STAG1: variants seen among roughly 807,000 people sequenced by gnomAD.
STAG1 encodes the protein cohesin subunit SA-1.
STAG1 carries 26 observed loss-of-function variants against 170.9 expected under a neutral mutation model. The ratio of observed to expected loss-of-function variants is 0.15; its 90% CI spans 0.11 to 0.21. The LOEUF is 0.21. Among genes scored for constraint, STAG1 ranks in the 10% least tolerant of loss-of-function variants. The pLI is 1.00. For missense variants in STAG1, 964 were observed against 1,509.5 expected, an observed-to-expected ratio of 0.64 and a Z score of 5.99; for synonymous variants, 514 against 497.7, an observed-to-expected ratio of 1.03 and a Z score of -0.44.
chr3:136,553,233 T>TG (rs1176166778), intron 5 of STAG1, among the ~76,000 whole-genome samples: 5 of 152,078 alleles, frequency 3.3e-5, no homozygotes, highest in South Asian at 2.1e-4. Context: ...AACTCGAATT[T>TG]GGGGGGGATA....
At chr3:136,532,693 A>G (rs1455542020) in intron 6 of STAG1, among the ~76,000 whole-genome samples, 1 of 152,222 alleles carries the variant, frequency 6.6e-6, no homozygotes, top group Non-Finnish European at 1.5e-5. Context: ...TAGATGCAGA[A>G]AAAGCATTTG....
At chr3:136,372,939 G>T (rs936228744) in intron 23 of STAG1, among the ~76,000 whole-genome samples, 7 of 152,160 alleles carry the variant, frequency 4.6e-5, no homozygotes, top group African/African-American at 7.2e-5. Context: ...GCTCCTCCTT[G>T]TACCTCTGGT....
At chr3:136,653,257 A>G (rs940320304) in intron 1 of STAG1, among the ~76,000 whole-genome samples, 1 of 151,786 alleles carries the variant, frequency 6.6e-6, no homozygotes, top group Non-Finnish European at 1.5e-5. Flanking sequence ...GGGCAACAAG[A>G]GCAAAACTCC....
rs546166099 is a variant in STAG1 at position 136,524,076 on chromosome 3, G to A, written c.472-2659C>T. Among the ~76,000 whole-genome samples the A allele has an allele frequency of 7.2e-5, 11 of 152,184 alleles. No homozygotes were observed. The East Asian group carries it at 7.7e-4, about 11-fold the overall frequency. On this transcript the variant is annotated intron_variant, in intron 6 of 33. Transcript: ENST00000383202. ...TGGCTTAGGATTGTCTTGGCAATGC[G>A]GGCTCTTTTTTGGTCCCATATGAAC...
At chr3:136,498,763 C>T (rs536292010) in intron 9 of STAG1, among the ~76,000 whole-genome samples, 59 of 150,938 alleles carry the variant, frequency 3.9e-4, no homozygotes, top group African/African-American at 1.4e-3. Flanking sequence ...ACAAATATAT[C>T]AATAACATGT....
intron 5 of STAG1, among the ~76,000 whole-genome samples, chr3:136,562,620 T>A (rs746547621): frequency 1.3e-5 from 2 of 152,100 alleles, no homozygotes; most frequent in Non-Finnish European, 2.9e-5. Context: ...AGAGTTTTGC[T>A]CCTGTTGCCC....
chr3:136,487,738 T>C (rs1243858568), intron 9 of STAG1, among the ~76,000 whole-genome samples: 3 of 152,242 alleles, frequency 2.0e-5, no homozygotes, highest in Admixed American at 1.3e-4. Flanking sequence ...ACAAATTCTT[T>C]GCTCCTTTCA....
At chr3:136,597,059 G>C (rs1175166578) in intron 4 of STAG1, among the ~76,000 whole-genome samples, 1 of 152,172 alleles carries the variant, frequency 6.6e-6, no homozygotes. Context: ...CTGCGCGACA[G>C]AGCGAGACTG....
Position 136,337,930 on chromosome 3 carries a change from A to G in STAG1, c.*324T>C. 1 of 252,018 alleles carries G rather than the reference A, an allele frequency of 4.0e-6. No homozygotes were observed. The highest frequency in any genetic ancestry group is 7.5e-6 in the Non-Finnish European group (1 of 133,424). The allele number at this position is 252,018 out of a possible 1,614,324, so 15.6% of individuals were successfully genotyped here. On this transcript the variant is annotated 3_prime_UTR_variant, in exon 34 of 34. Transcript: ENST00000383202. Reference sequence around the variant, plus strand: ...TGAGTTTTCATAAAACAGGTGTATAACAGTGTTTATCTTGACAGCTGTTTT... The same window carrying G: ...TGAGTTTTCATAAAACAGGTGTATAGCAGTGTTTATCTTGACAGCTGTTTT...
At chr3:136,620,969 A>T (rs1351511173) in intron 3 of STAG1, among the ~76,000 whole-genome samples, 2 of 152,198 alleles carry the variant, frequency 1.3e-5, no homozygotes, top group Non-Finnish European at 2.9e-5. Context: ...CTACTAAAAA[A>T]TACAAAAAAT....
Position 136,343,869 on chromosome 3 carries a change from C to T in STAG1, c.3409G>A (p.Glu1137Lys). ...RPMGDQIQEP[E>K]SEHGSEPDFL... ...TCTGGTTCAGAACCATGTTCAGACT[C>T]AGGTTCTTGAATCTGGTCTCCCATG... Residue 1137 changes from glutamate (E) to lysine (K), a missense_variant, in exon 30 of 34, where the codon GAG becomes AAG. Physicochemically the swap from Glu to Lys is moderately conservative, Grantham distance 56. This residue lies in a region of STAG1 where 122 missense variants were observed against 129.0 expected (regional missense o/e 0.95). Transcript: ENST00000383202. 1 of 1,597,794 alleles carries T rather than the reference C, an allele frequency of 6.3e-7. No homozygotes were observed. Among genetic ancestry groups the T allele is most frequent in the Non-Finnish European group, 8.5e-7 (1 of 1,172,848 alleles).
rs556837607 is a variant in STAG1 at position 136,340,995 on chromosome 3, G to A, written c.3558-390C>T. ...GTGATCTTGACTCACTACAACCTCC[G>A]CCTCCTGGATTTAAGCGATTCTCCT... On this transcript the variant is annotated intron_variant, in intron 31 of 33. Coordinates refer to ENST00000383202, the MANE Select transcript of STAG1 (RefSeq NM_005862.3). Among the ~76,000 whole-genome samples, 34 of 152,160 alleles carry A rather than the reference G, an allele frequency of 2.2e-4. No homozygotes were observed. In the East Asian group the frequency reaches 5.8e-3, roughly 26 times the overall value.
chr3:136,361,142 A>G (rs1427788217), intron 26 of STAG1, among the ~76,000 whole-genome samples: 1 of 152,174 alleles, frequency 6.6e-6, no homozygotes, highest in Non-Finnish European at 1.5e-5. Context: ...AAAGGTAACC[A>G]GTGTTTAAAG....
intron 9 of STAG1, among the ~76,000 whole-genome samples, chr3:136,478,978 A>C (rs532786143): frequency 6.6e-6 from 1 of 152,088 alleles, no homozygotes; most frequent in East Asian, 1.9e-4. Context: ...TGAGAATAAA[A>C]TCACTTAATA....
At chr3:136,593,695 T>G (rs1938295146) in intron 4 of STAG1, among the ~76,000 whole-genome samples, 1 of 152,244 alleles carries the variant, frequency 6.6e-6, no homozygotes, top group Non-Finnish European at 1.5e-5. Context: ...TTTTCCAATT[T>G]TATCTTCAGG....
At chr3:136,549,225 A>T (rs1421651157) in intron 5 of STAG1, among the ~76,000 whole-genome samples, 1 of 152,224 alleles carries the variant, frequency 6.6e-6, no homozygotes, top group South Asian at 2.1e-4. Context: ...ATAGAAATAC[A>T]ACTAAATTTA....
chr3:136,401,535 T>C (rs1229635947), intron 21 of STAG1, among the ~76,000 whole-genome samples: 1 of 152,200 alleles, frequency 6.6e-6, no homozygotes, highest in African/African-American at 2.4e-5. Flanking sequence ...ACACTTGATA[T>C]CAGATTGCTT....
chr3:136,604,814 T>A (rs904748352), intron 3 of STAG1, among the ~76,000 whole-genome samples: 1 of 152,014 alleles, frequency 6.6e-6, no homozygotes, highest in African/African-American at 2.4e-5. Context: ...CACGACCAGT[T>A]AATTTTTGTA....
At chr3:136,618,511 C>T (rs1353378563) in intron 3 of STAG1, among the ~76,000 whole-genome samples, 1 of 152,154 alleles carries the variant, frequency 6.6e-6, no homozygotes, top group Non-Finnish European at 1.5e-5. Context: ...TTTACCTCTC[C>T]TACTCAGCCT....
Sources: gnomAD v4.1 joint callset for allele counts (sites outside exome capture counted in the v4.1 genomes callset) on GRCh38, gnomAD v4.1.1 for gene constraint, gnomAD v4.1.1 regional missense constraint, MANE v1.5 for transcripts, NCBI Gene and HGNC (gene_info 2026-07-23, HGNC 2026-07-21) for gene names.